Variants in PHLDB3 observed in about 807,000 individuals in gnomAD.
PHLDB3 encodes the protein pleckstrin homology like domain family B member 3.
Under a neutral mutation model 85.7 loss-of-function variants are expected in PHLDB3, and 86 were observed. The observed-to-expected ratio is 1.00, with a 90% CI of 0.84 to 1.20. The LOEUF is 1.20. PHLDB3 is among the 50% of genes most tolerant of loss of function. The pLI, the probability that PHLDB3 is intolerant of heterozygous loss-of-function variation, is 0.00. For synonymous variants in PHLDB3, 376 were observed against 349.8 expected (o/e 1.07, Z -0.83); for missense variants, 995 against 873.0 (o/e 1.14, Z -1.76).
Position 43,497,133 on chromosome 19 carries a change from G to A in PHLDB3, c.810C>T (p.Ser270=). The part of the protein sequence containing the change: ...PDPKVQELQA[S]MAQHRRGALQ... The stretch of plus-strand genomic sequence containing the variant: ...CATGACTCACTCTGTGCTGCGCCAT[G>A]CTGGCCTGGAGTTCCTGGACCTTGG... The change falls in exon 6 of 16, where the codon AGC becomes AGT. Residue 270 remains serine (S), a synonymous_variant. Transcript: ENST00000292140. 1 of 1,537,848 alleles carries A rather than the reference G, an allele frequency of 6.5e-7. No homozygotes were observed. Among genetic ancestry groups the A allele is most frequent in the Non-Finnish European group, 8.7e-7 (1 of 1,147,344 alleles).
At chr19:43,502,563 C>T (rs573094136) in intron 2 of PHLDB3, among the ~76,000 whole-genome samples, 1 of 150,840 alleles carries the variant, frequency 6.6e-6, no homozygotes, top group Admixed American at 6.6e-5. Context: ...ATTCTTCTGC[C>T]TCATCCTCCT....
intron 13 of PHLDB3, 91 bp from the exon 14 acceptor site, chr19:43,479,684 C>A (rs1381227296): frequency 9.6e-6 from 8 of 836,440 alleles, no homozygotes; most frequent in Non-Finnish European, 1.5e-5. Context: ...TAGCAGCTTG[C>A]ATGTAAGGCC....
chr19:43,482,030 T>G (rs1173428112), intron 13 of PHLDB3, among the ~76,000 whole-genome samples: 1 of 152,070 alleles, frequency 6.6e-6, no homozygotes, highest in African/African-American at 2.4e-5. Flanking sequence ...GTGTGGAAGC[T>G]CCCGCTCTGT....
chr19:43,502,037 G>A, intron 3 of PHLDB3, 64 bp downstream of exon 3: 1 of 1,523,702 alleles, frequency 6.6e-7, no homozygotes, highest in Non-Finnish European at 8.8e-7. Flanking sequence ...AAAAAGCTGG[G>A]AGTCCGGCTT....
intron 9 of PHLDB3, among the ~76,000 whole-genome samples, chr19:43,490,219 A>C (rs992939774): frequency 6.6e-6 from 1 of 152,200 alleles, no homozygotes; most frequent in African/African-American, 2.4e-5. Context: ...GCTTGACATT[A>C]GGTAGTAAAT....
intron 2 of PHLDB3, 118 bp downstream of exon 2, chr19:43,503,788 T>C: frequency 8.4e-7 from 1 of 1,189,314 alleles, no homozygotes; most frequent in Non-Finnish European, 1.2e-6. Context: ...ACTCGGTCTC[T>C]CTCCCTGTCT....
At chr19:43,485,968 G>C (rs190180959) in intron 13 of PHLDB3, 2 of 985,214 alleles carry the variant, frequency 2.0e-6, no homozygotes, top group Non-Finnish European at 2.4e-6. Flanking sequence ...CCAGGAATAA[G>C]TCCCAGCATG....
chr19:43,479,463 A>AG lies in PHLDB3; in HGVS notation c.1615dup (p.Leu539ProfsTer19). ...CTTGATGCGGCCGCCCATCTTCACC[A>AG]GGGGTCCACGGCAGCAGCACCCAGA... On this transcript the variant is annotated frameshift_variant, in exon 14 of 16. Coordinates refer to ENST00000292140, the MANE Select transcript of PHLDB3 (RefSeq NM_198850.4). LOFTEE classifies it high-confidence loss of function. 1 of 1,564,210 alleles carries AG rather than the reference A, an allele frequency of 6.4e-7. No homozygotes were observed. Among genetic ancestry groups the AG allele is most frequent in the Non-Finnish European group, 8.7e-7 (1 of 1,154,864 alleles).
chr19:43,480,383 G>C (rs890164548), intron 13 of PHLDB3, among the ~76,000 whole-genome samples: 6 of 151,218 alleles, frequency 4.0e-5, no homozygotes, highest in Non-Finnish European at 8.8e-5. Flanking sequence ...TTGAGGCTAT[G>C]AGTTGGAGAC....
At chr19:43,490,371 G>A (rs1971285385) in intron 9 of PHLDB3, among the ~76,000 whole-genome samples, 1 of 151,920 alleles carries the variant, frequency 6.6e-6, no homozygotes, top group Non-Finnish European at 1.5e-5. Context: ...ACCAGACTGG[G>A]GCAATATAGT....
intron 15 of PHLDB3, among the ~76,000 whole-genome samples, chr19:43,477,794 T>G (rs1196691213): frequency 6.8e-6 from 1 of 146,298 alleles, no homozygotes; most frequent in Non-Finnish European, 1.5e-5. Context: ...GGCGACAGAA[T>G]GAGACTCTGT....
At position 43,475,355 on chromosome 19, in the gene PHLDB3, G is replaced by A; in HGVS notation, c.*55C>T. ...GTGGGCGGGGCCTAGGAACGCCCCC[G>A]CGCCCCGCGCCGGCGGAGCCTCGAA... On this transcript the variant is annotated 3_prime_UTR_variant, in exon 16 of 16. Transcript: ENST00000292140. 1.3e-6 allele frequency: 2 copies of A among 1,595,672 alleles called. No homozygotes were observed. The highest frequency in any genetic ancestry group is 1.7e-6 in the Non-Finnish European group (2 of 1,169,296).
chr19:43,480,292 AGG>A (rs1480185785), intron 13 of PHLDB3, among the ~76,000 whole-genome samples: 2 of 126,544 alleles, frequency 1.6e-5, no homozygotes, highest in Non-Finnish European at 3.3e-5. Flanking sequence ...AAAAAAAAAA[AGG>A]AGAGAGAGAA....
chr19:43,478,471 A>T (rs1342494017), intron 14 of PHLDB3, among the ~76,000 whole-genome samples: 1 of 152,122 alleles, frequency 6.6e-6, no homozygotes, highest in Non-Finnish European at 1.5e-5. Context: ...GGGTAAGTAC[A>T]TTTATCTCCA....
At chr19:43,504,261 T>C (rs1444964980) in intron 1 of PHLDB3, 129 bp from the exon 2 acceptor site, 37 of 844,500 alleles carry the variant, frequency 4.4e-5, no homozygotes, top group Non-Finnish European at 1.1e-5. Flanking sequence ...AGGATGGAAC[T>C]GAGCGTTACG....
At chr19:43,501,694 G>A (rs1017413661) in intron 4 of PHLDB3, 40 bp downstream of exon 4, 33 of 1,569,902 alleles carry the variant, frequency 2.1e-5, no homozygotes, top group African/African-American at 4.1e-5. Flanking sequence ...CATGGACCAG[G>A]AAGGACACTG....
At chr19:43,502,005 T>A in intron 3 of PHLDB3, 96 bp downstream of exon 3, 2 of 1,497,336 alleles carry the variant, frequency 1.3e-6, no homozygotes, top group Non-Finnish European at 1.8e-6. Flanking sequence ...GCGGAGGGCC[T>A]AAAATCTGAT....
chr19:43,489,790 T>C (rs938820623), intron 9 of PHLDB3, among the ~76,000 whole-genome samples: 40 of 152,066 alleles, frequency 2.6e-4, no homozygotes, highest in African/African-American at 9.2e-4. Context: ...GCAGATCACC[T>C]GAGGTCAGGA....
chr19:43,494,681 C>G, intron 9 of PHLDB3, 21 bp downstream of exon 9: 1 of 1,570,710 alleles, frequency 6.4e-7, no homozygotes, highest in Middle Eastern at 1.7e-4. Context: ...TATGGGGAAA[C>G]AGAGGCCGTG....
Sources: gnomAD v4.1 joint callset for allele counts (sites outside exome capture counted in the v4.1 genomes callset) on GRCh38, gnomAD v4.1.1 for gene constraint, MANE v1.5 for transcripts, NCBI Gene and HGNC (gene_info 2026-07-23, HGNC 2026-07-21) for gene names.